RASAL2: variants seen among roughly 807,000 people sequenced by gnomAD.
RASAL2 encodes the protein RAS protein activator like 2.
Under a neutral mutation model 128.9 loss-of-function variants are expected in RASAL2, and 58 were observed. The observed-to-expected ratio is 0.45, with a 90% CI of 0.36 to 0.56. The LOEUF (loss-of-function observed/expected upper bound fraction) is 0.56, where lower values mean the gene tolerates loss of function less well. Ranked by LOEUF, RASAL2 falls within the 20% of genes least tolerant of loss-of-function variation. The pLI is 0.00. For missense variants in RASAL2, 1,360 were observed against 1,601.6 expected (o/e 0.85, Z 2.57); for synonymous variants, 561 against 580.8 (o/e 0.97, Z 0.49).
At chr1:178,399,576 C>T (rs1331693800) in intron 4 of RASAL2, among the ~76,000 whole-genome samples, 4 of 152,198 alleles carry the variant, frequency 2.6e-5, no homozygotes, top group African/African-American at 9.6e-5. Flanking sequence ...GCCCCTGGCA[C>T]CTCTGAAGGT....
intron 3 of RASAL2, among the ~76,000 whole-genome samples, chr1:178,328,312 A>G (rs1377325340): frequency 2.0e-5 from 3 of 152,166 alleles, no homozygotes; most frequent in Non-Finnish European, 2.9e-5. Flanking sequence ...TTTATGGGGT[A>G]CATGAGATAT....
At chr1:178,308,642 C>T (rs1395179806) in intron 3 of RASAL2, among the ~76,000 whole-genome samples, 2 of 149,462 alleles carry the variant, frequency 1.3e-5, no homozygotes, top group African/African-American at 4.9e-5. Flanking sequence ...ACTTCCTAGG[C>T]TCAACTGATT....
chr1:178,115,100 T>G (rs6690369), intron 1 of RASAL2, among the ~76,000 whole-genome samples: 20,865 of 151,846 alleles, frequency 0.14, 2,106 homozygotes, highest in African/African-American at 0.29. Flanking sequence ...GTTTATCAGA[T>G]AAGCCATCTA....
At chr1:178,356,167 T>G (rs1670796408) in intron 3 of RASAL2, among the ~76,000 whole-genome samples, 1 of 112,572 alleles carries the variant, frequency 8.9e-6, no homozygotes, top group Non-Finnish European at 1.6e-5. Context: ...CAAGACTCTG[T>G]CTCAAAAAAA....
In RASAL2 at chr1:178,343,166, AC is replaced by A. The variant is rs544734730; in HGVS notation, c.457+43050del. The stretch of plus-strand genomic sequence containing the variant: ...TGTTGTCCTTTTGTATTAAAGCCTG[AC>A]CTGCTCTTTCCAGTTTTTGGCTGGG... On this transcript the variant is annotated intron_variant, in intron 3 of 17. Coordinates refer to ENST00000367649, the MANE Select transcript of RASAL2 (RefSeq NM_170692.4). 1.9e-3 allele frequency among the ~76,000 whole-genome samples: 291 copies of A among 152,266 alleles called. 3 individuals carry two copies. The highest frequency in any genetic ancestry group is 6.7e-3 in the African/African-American group (277 of 41,568).
chr1:178,420,341 A>C (rs571476492), intron 4 of RASAL2, among the ~76,000 whole-genome samples, 170 bp from the exon 5 acceptor site: 1 of 152,322 alleles, frequency 6.6e-6, no homozygotes, highest in African/African-American at 2.4e-5. Flanking sequence ...TTCTCATCAC[A>C]TTGCCAGGTG....
At chr1:178,365,611 A>C (rs1671357097) in intron 3 of RASAL2, among the ~76,000 whole-genome samples, 1 of 152,122 alleles carries the variant, frequency 6.6e-6, no homozygotes, top group Non-Finnish European at 1.5e-5. Flanking sequence ...AGCTGGGATT[A>C]CAGGCACGCA....
chr1:178,296,896 T>G (rs2102259256), intron 2 of RASAL2, among the ~76,000 whole-genome samples: 1 of 152,116 alleles, frequency 6.6e-6, no homozygotes, highest in South Asian at 2.1e-4. Flanking sequence ...GGTCTTGAAC[T>G]CCTGAACTCA....
At chr1:178,203,538 G>C (rs1343717078) in intron 1 of RASAL2, among the ~76,000 whole-genome samples, 2 of 152,154 alleles carry the variant, frequency 1.3e-5, no homozygotes, top group African/African-American at 2.4e-5. Context: ...ATCACCCCTA[G>C]TGATCCACTA....
At chr1:178,349,050 C>T (rs1367687288) in intron 3 of RASAL2, among the ~76,000 whole-genome samples, 3 of 149,776 alleles carry the variant, frequency 2.0e-5, no homozygotes, top group East Asian at 4.1e-4. Context: ...CCACCTGCCT[C>T]GGCCTCCCAA....
At chr1:178,148,909 A>T (rs947572219) in intron 1 of RASAL2, among the ~76,000 whole-genome samples, 2 of 152,134 alleles carry the variant, frequency 1.3e-5, no homozygotes, top group African/African-American at 4.8e-5. Context: ...GTTTTACTTT[A>T]ATTTCCCATC....
intron 1 of RASAL2, among the ~76,000 whole-genome samples, chr1:178,267,818 A>G (rs528792917): frequency 2.0e-5 from 3 of 151,886 alleles, no homozygotes; most frequent in African/African-American, 4.8e-5. Context: ...TCTTGGAAAC[A>G]TTCCTCATGG....
Position 178,157,034 on chromosome 1 carries a change from G to T in RASAL2, c.202+62340G>T, listed in dbSNP as rs1405819645. Among the ~76,000 whole-genome samples the T allele has an allele frequency of 2.0e-5, 3 of 152,164 alleles. No individual in the cohort carries two copies. In the East Asian group the frequency reaches 5.8e-4, roughly 29 times the overall value. On this transcript the variant is annotated intron_variant, in intron 1 of 17. Transcript: ENST00000367649. ...TATAATACCTGACATTATGGGTAAC[G>T]TCTTTTGTTTATATCTAGTGTTAGT...
At chr1:178,267,242 A>G (rs1666000158) in intron 1 of RASAL2, among the ~76,000 whole-genome samples, 1 of 152,124 alleles carries the variant, frequency 6.6e-6, no homozygotes, top group African/African-American at 2.4e-5. Flanking sequence ...CGGCATTTAC[A>G]TATCTCTCTT....
At chr1:178,332,422 T>C (rs1669368388) in intron 3 of RASAL2, among the ~76,000 whole-genome samples, 1 of 151,812 alleles carries the variant, frequency 6.6e-6, no homozygotes, top group African/African-American at 2.4e-5. Context: ...GGACAATCGC[T>C]TGAACCCGGG....
intron 1 of RASAL2, among the ~76,000 whole-genome samples, chr1:178,170,224 G>A (rs1270457559): frequency 6.6e-6 from 1 of 151,878 alleles, no homozygotes; most frequent in East Asian, 1.9e-4. Context: ...ACATATTTGT[G>A]AAGTAGACAA....
chr1:178,465,294 T>C (rs1380859364), intron 15 of RASAL2, among the ~76,000 whole-genome samples: 1 of 152,158 alleles, frequency 6.6e-6, no homozygotes, highest in Non-Finnish European at 1.5e-5. Flanking sequence ...TACTTTACAC[T>C]TTTATAGTTG....
At position 178,094,336 on chromosome 1, in the gene RASAL2, G is replaced by A. The variant is rs962159871; in HGVS notation, c.-157G>A. 3.0e-6 allele frequency: 2 copies of A among 658,522 alleles called. No homozygotes were observed. Among genetic ancestry groups the A allele is most frequent in the Non-Finnish European group, 4.8e-6 (2 of 413,048 alleles). The allele number at this position is 658,522 out of a possible 1,614,324, so 40.8% of individuals were successfully genotyped here. A position where few individuals can be genotyped will look rare whatever the true frequency, so the allele number is the denominator to read the frequency against. On this transcript the variant is annotated 5_prime_UTR_variant, in exon 1 of 18. Transcript: ENST00000367649. Reference sequence around the variant, plus strand: ...ATCGCCCGAGCCTCGGGCAGTGGGCGACGGGGAAGGAGGTGAGAGGTGTCC... The same window carrying A: ...ATCGCCCGAGCCTCGGGCAGTGGGCAACGGGGAAGGAGGTGAGAGGTGTCC...
At chr1:178,206,299 A>G (rs1022378369) in intron 1 of RASAL2, among the ~76,000 whole-genome samples, 3 of 152,052 alleles carry the variant, frequency 2.0e-5, no homozygotes, top group African/African-American at 7.2e-5. Flanking sequence ...TATTTCCTTC[A>G]CCTTCCCATC....
Sources: allele counts gnomAD v4.1 joint callset (sites outside exome capture counted in the v4.1 genomes callset), GRCh38; gene constraint gnomAD v4.1.1; transcripts MANE v1.5; gene names NCBI Gene and HGNC (gene_info 2026-07-23, HGNC 2026-07-21).